CCDC102B: variants seen among roughly 807,000 people sequenced by gnomAD.
CCDC102B encodes coiled-coil domain-containing protein 102B.
In CCDC102B, 75 loss-of-function variants were observed where a neutral mutation model predicts 57.4. The ratio of observed to expected loss-of-function variants is 1.31; its 90% CI spans 1.08 to 1.58. The LOEUF is 1.58. Among genes scored for constraint, CCDC102B ranks in the 40% most tolerant of loss-of-function variants. The pLI is 0.00. For missense variants in CCDC102B, 636 were observed against 582.6 expected, an observed-to-expected ratio of 1.09 and a Z score of -0.94; for synonymous variants, 206 against 201.9, an observed-to-expected ratio of 1.02 and a Z score of -0.17.
chr18:68,793,066 C>A (rs1042556107), intron 2 of CCDC102B, among the ~76,000 whole-genome samples: 5 of 152,106 alleles, frequency 3.3e-5, no homozygotes, highest in African/African-American at 9.7e-5. Context: ...GCTGGCTGCC[C>A]AGCTGGTCTC....
chr18:68,953,653 A>G (rs1046627868), intron 6 of CCDC102B, among the ~76,000 whole-genome samples: 4 of 152,222 alleles, frequency 2.6e-5, no homozygotes, highest in African/African-American at 7.2e-5. Flanking sequence ...TTCTAGATAT[A>G]TGCTTTAACA....
chr18:68,804,971 T>C (rs545460229), intron 1 of CCDC102B, among the ~76,000 whole-genome samples: 40 of 151,914 alleles, frequency 2.6e-4, no homozygotes, highest in African/African-American at 8.7e-4. Flanking sequence ...AGGAGTATAT[T>C]TGAGGAGGCC....
intron 7 of CCDC102B, among the ~76,000 whole-genome samples, chr18:69,035,675 GT>G (rs1199425437): frequency 2.6e-5 from 4 of 151,876 alleles, no homozygotes; most frequent in East Asian, 1.9e-4. Flanking sequence ...TTTTACTGAA[GT>G]TTTTTTTCCA....
At chr18:68,957,048 G>C (rs1290854287) in intron 6 of CCDC102B, among the ~76,000 whole-genome samples, 1 of 151,978 alleles carries the variant, frequency 6.6e-6, no homozygotes. Flanking sequence ...CAGATGGATA[G>C]TATGCAAATA....
At chr18:68,922,328 G>T (rs1310314817) in intron 6 of CCDC102B, among the ~76,000 whole-genome samples, 1 of 152,156 alleles carries the variant, frequency 6.6e-6, no homozygotes, top group Non-Finnish European at 1.5e-5. Flanking sequence ...GGCTTATGCT[G>T]TCTCAGAGGG....
chr18:68,875,698 C>A (rs185544376), intron 5 of CCDC102B, among the ~76,000 whole-genome samples: 1 of 152,182 alleles, frequency 6.6e-6, no homozygotes, highest in Admixed American at 6.5e-5. Context: ...ACTCCATAAG[C>A]ATCTCTGAGT....
intron 6 of CCDC102B, among the ~76,000 whole-genome samples, chr18:68,944,443 TAGA>T (rs2049474958): frequency 6.6e-6 from 1 of 150,616 alleles, no homozygotes; most frequent in Admixed American, 6.7e-5. Flanking sequence ...ATCCAGTAGC[TAGA>T]AGATTAGGAG....
intron 2 of CCDC102B, among the ~76,000 whole-genome samples, chr18:68,734,359 A>G (rs2033031467): frequency 6.6e-6 from 1 of 152,220 alleles, no homozygotes. Flanking sequence ...TGTAGAGATT[A>G]GCCAGAAAAG....
intron 1 of CCDC102B, among the ~76,000 whole-genome samples, chr18:68,825,371 A>G (rs1425018937): frequency 1.3e-5 from 2 of 152,186 alleles, no homozygotes; most frequent in Admixed American, 1.3e-4. Context: ...TTTCCAAAGT[A>G]AAACAATATT....
intron 7 of CCDC102B, among the ~76,000 whole-genome samples, chr18:69,036,117 T>C (rs1327319701): frequency 1.3e-5 from 2 of 152,124 alleles, no homozygotes; most frequent in African/African-American, 4.8e-5. Context: ...GGATTTAAAG[T>C]TTTATATACC....
intron 6 of CCDC102B, among the ~76,000 whole-genome samples, chr18:68,951,598 A>G (rs1353810133): frequency 6.6e-6 from 1 of 152,026 alleles, no homozygotes; most frequent in East Asian, 1.9e-4. Flanking sequence ...ACTTGAGGTC[A>G]AGGGTTTGAG....
chr18:68,977,342 T>C (rs890325064), intron 6 of CCDC102B, among the ~76,000 whole-genome samples: 4 of 152,134 alleles, frequency 2.6e-5, no homozygotes, highest in African/African-American at 9.6e-5. Flanking sequence ...GGTATACACA[T>C]GCTATGGTGG....
chr18:68,791,918 C>T (rs1340520228), intron 2 of CCDC102B, among the ~76,000 whole-genome samples: 2 of 152,056 alleles, frequency 1.3e-5, no homozygotes, highest in Admixed American at 6.5e-5. Context: ...TTTTGCCTCT[C>T]AGGGGATATT....
intron 1 of CCDC102B, among the ~76,000 whole-genome samples, chr18:68,800,939 G>T (rs1204958948): frequency 2.0e-5 from 3 of 151,742 alleles, no homozygotes; most frequent in Admixed American, 2.0e-4. Flanking sequence ...ACTAGTATCT[G>T]GGATAACATT....
chr18:68,804,288 G>A (rs1407489388), intron 1 of CCDC102B, among the ~76,000 whole-genome samples: 1 of 151,980 alleles, frequency 6.6e-6, no homozygotes, highest in African/African-American at 2.4e-5. Flanking sequence ...GTAGATGTGA[G>A]GGGAGTTCAA....
At chr18:68,801,468 A>G (rs1392326026) in intron 1 of CCDC102B, among the ~76,000 whole-genome samples, 1 of 152,156 alleles carries the variant, frequency 6.6e-6, no homozygotes, top group Non-Finnish European at 1.5e-5. Flanking sequence ...TCCTAAAAGA[A>G]TTGCTGTTGT....
At chr18:68,924,826 T>A (rs1371336404) in intron 6 of CCDC102B, among the ~76,000 whole-genome samples, 2 of 152,208 alleles carry the variant, frequency 1.3e-5, no homozygotes, top group East Asian at 3.9e-4. Flanking sequence ...TGAGATTAGC[T>A]GAGTTGTACA....
intron 2 of CCDC102B, among the ~76,000 whole-genome samples, chr18:68,783,988 G>A (rs2035097904): frequency 6.6e-6 from 1 of 152,010 alleles, no homozygotes; most frequent in African/African-American, 2.4e-5. Flanking sequence ...TTCTAATAGT[G>A]CGTTTTTCAA....
chr18:68,881,286 G>A (rs2144958929), intron 5 of CCDC102B, among the ~76,000 whole-genome samples: 1 of 152,236 alleles, frequency 6.6e-6, no homozygotes, highest in East Asian at 1.9e-4. Context: ...AAAATACTCT[G>A]TTCAGATTGA....
Sources: allele counts gnomAD v4.1 joint callset (sites outside exome capture counted in the v4.1 genomes callset), GRCh38; gene constraint gnomAD v4.1.1; transcripts MANE v1.5; gene names NCBI Gene and HGNC (gene_info 2026-07-23, HGNC 2026-07-21).